SRP54: variants seen among roughly 807,000 people sequenced by gnomAD.
The protein encoded by SRP54 is signal recognition particle 54, also known as signal recognition particle subunit SRP54.
SRP54 carries 10 observed loss-of-function variants against 64.8 expected under a neutral mutation model. That is an observed-to-expected ratio of 0.15 (90% confidence interval 0.10 to 0.26). SRP54 has a LOEUF of 0.26. Ranked by LOEUF, SRP54 falls within the 10% of genes least tolerant of loss-of-function variation. SRP54 has a pLI of 1.00. For synonymous variants in SRP54, 193 were observed against 185.6 expected, an observed-to-expected ratio of 1.04 and a Z score of -0.32; for missense variants, 325 against 613.7, an observed-to-expected ratio of 0.53 and a Z score of 4.97.
intron 4 of SRP54, among the ~76,000 whole-genome samples, chr14:35,001,881 GA>G (rs1008669418): frequency 1.3e-5 from 2 of 150,170 alleles, no homozygotes; most frequent in African/African-American, 2.4e-5. Flanking sequence ...CTCAGTTGTA[GA>G]AAAAAAAAGA....
At chr14:35,002,641 T>G (rs1299576877) in intron 4 of SRP54, among the ~76,000 whole-genome samples, 1 of 150,938 alleles carries the variant, frequency 6.6e-6, no homozygotes, top group Non-Finnish European at 1.5e-5. Context: ...TTCACCATGT[T>G]GGCCAGGATG....
chr14:35,003,930 C>T (rs2044218107), intron 4 of SRP54, among the ~76,000 whole-genome samples: 1 of 81,338 alleles, frequency 1.2e-5, no homozygotes, highest in South Asian at 4.7e-4. Flanking sequence ...CGAGACCTGT[C>T]TCAAAATAAA....
At chr14:35,004,994 C>T (rs1231694885) in intron 4 of SRP54, among the ~76,000 whole-genome samples, 3 of 152,134 alleles carry the variant, frequency 2.0e-5, no homozygotes, top group Non-Finnish European at 2.9e-5. Context: ...TTGTGGACCA[C>T]GTGATTTCTA....
In SRP54 at chr14:35,014,874, T is replaced by C. The variant is rs773974924; in HGVS notation, c.973+44T>C. On this transcript the variant is annotated intron_variant, in intron 11 of 15. Coordinates refer to ENST00000216774, the MANE Select transcript of SRP54 (RefSeq NM_003136.4). ...AGCACTTCATCTCAGATTTCTTCCA[T>C]TGATTTTTTTTATAAAGTTACTATT... The C allele has an allele frequency of 9.7e-6, 14 of 1,437,738 alleles. No individual in the cohort carries two copies. In the South Asian group the frequency reaches 1.2e-4, roughly 12 times the overall value. 89.1% of individuals were successfully genotyped at this position (1,437,738 alleles called of 1,614,324 possible). A position where few individuals can be genotyped will look rare whatever the true frequency, so the allele number is the denominator to read the frequency against.
At position 35,029,038 on chromosome 14, in the gene SRP54, C is replaced by G. The variant is rs543841249; in HGVS notation, c.1424-23C>G. ...GCTTAATAATTCTCTGTTTTTAACT[C>G]TACTTCCCTACTTTTGCTCTAGGTG... On this transcript the variant is annotated intron_variant, in intron 15 of 15. Transcript: ENST00000216774. The G allele has an allele frequency of 3.1e-6, 5 of 1,588,710 alleles. No homozygotes were observed. The Admixed American group carries it at 5.1e-5, about 16-fold the overall frequency.
At chr14:34,983,523 T>C (rs940761859) in intron 1 of SRP54, among the ~76,000 whole-genome samples, 4 of 152,238 alleles carry the variant, frequency 2.6e-5, no homozygotes, top group Non-Finnish European at 5.9e-5. Context: ...CCGAAAATCC[T>C]TTTACTTGTA....
intron 5 of SRP54, among the ~76,000 whole-genome samples, chr14:35,007,652 T>G (rs2044283873): frequency 9.7e-6 from 1 of 102,748 alleles, no homozygotes; most frequent in African/African-American, 3.2e-5. Flanking sequence ...TAATAAAATA[T>G]ATTTACATAA....
intron 13 of SRP54, among the ~76,000 whole-genome samples, chr14:35,019,905 C>T (rs969594150): frequency 4.6e-5 from 7 of 152,162 alleles, no homozygotes; most frequent in African/African-American, 7.2e-5. Flanking sequence ...GTTGGCCGGG[C>T]GCAGTGGCTC....
At chr14:34,984,844 T>C (rs1382378066) in intron 1 of SRP54, among the ~76,000 whole-genome samples, 1 of 151,964 alleles carries the variant, frequency 6.6e-6, no homozygotes, top group Non-Finnish European at 1.5e-5. Flanking sequence ...TTGATAGTTC[T>C]GTACTTTCCC....
At chr14:34,991,908 A>G (rs924650151) in intron 1 of SRP54, among the ~76,000 whole-genome samples, 1 of 152,138 alleles carries the variant, frequency 6.6e-6, no homozygotes, top group Non-Finnish European at 1.5e-5. Context: ...TTACTCCTCT[A>G]CTGAAATGCA....
At chr14:35,004,379 G>A (rs1371298440) in intron 4 of SRP54, among the ~76,000 whole-genome samples, 1 of 152,196 alleles carries the variant, frequency 6.6e-6, no homozygotes, top group Non-Finnish European at 1.5e-5. Flanking sequence ...TATGTATAGT[G>A]AAATATGTCA....
chr14:35,009,354 G>T (rs2747010), intron 7 of SRP54, among the ~76,000 whole-genome samples: 1 of 140,996 alleles, frequency 7.1e-6, no homozygotes, highest in African/African-American at 2.6e-5. Flanking sequence ...CCACACACAT[G>T]TTCTTATTAA....
chr14:34,999,411 A>C (rs2138981151), intron 2 of SRP54, 147 bp from the exon 3 acceptor site: 1 of 521,618 alleles, frequency 1.9e-6, no homozygotes. Flanking sequence ...CTAAACATTT[A>C]ATAAAATTAT....
chr14:34,998,305 C>G (rs904503969), intron 2 of SRP54, among the ~76,000 whole-genome samples: 1 of 152,184 alleles, frequency 6.6e-6, no homozygotes. Flanking sequence ...ACTTTATATA[C>G]ATGAGTGGCT....
intron 14 of SRP54, among the ~76,000 whole-genome samples, chr14:35,025,611 A>G (rs1415245492): frequency 1.3e-5 from 2 of 152,236 alleles, no homozygotes; most frequent in Admixed American, 1.3e-4. Context: ...ACACACAGCT[A>G]TGTCACACCA....
intron 4 of SRP54, among the ~76,000 whole-genome samples, chr14:35,002,737 CT>C (rs71121258): frequency 0.41 from 38,598 of 94,956 alleles, 7,963 homozygotes; most frequent in Non-Finnish European, 0.46. Flanking sequence ...GCCTGGCCTC[CT>C]TTTTTTTTTT....
At chr14:34,987,241 A>AT (rs1453751017) in intron 1 of SRP54, among the ~76,000 whole-genome samples, 18 of 70,674 alleles carry the variant, frequency 2.5e-4, no homozygotes, top group African/African-American at 5.6e-4. Flanking sequence ...AAAAAAAAAA[A>AT]AAAAAATATA....
intron 11 of SRP54, among the ~76,000 whole-genome samples, chr14:35,017,539 T>A (rs770202414): frequency 6.6e-6 from 1 of 152,210 alleles, no homozygotes; most frequent in Non-Finnish European, 1.5e-5. Context: ...TTGACTGCTA[T>A]AACATTTCTT....
rs2043833971 is a variant in SRP54, at chr14:34,983,227, C to G, written c.-34+12C>G. On this transcript the variant is annotated intron_variant, in intron 1 of 15. Coordinates refer to ENST00000216774, the MANE Select transcript of SRP54 (RefSeq NM_003136.4). ...CGGTGTCTTTTGCGGTAAGTGTCTG[C>G]TTTTTCCCGCCCCAGACTACGGAGG... 6.6e-6 allele frequency: 1 copy of G among 152,330 alleles called. No individual in the cohort carries two copies. The highest frequency in any genetic ancestry group is 1.9e-4 in the East Asian group (1 of 5,208). 9.4% of individuals were successfully genotyped at this position (152,330 alleles called of 1,614,324 possible). A position where few individuals can be genotyped will look rare whatever the true frequency, so the allele number is the denominator to read the frequency against.
Sources: allele counts gnomAD v4.1 joint callset (sites outside exome capture counted in the v4.1 genomes callset), GRCh38; gene constraint gnomAD v4.1.1; transcripts MANE v1.5; gene names NCBI Gene and HGNC (gene_info 2026-07-23, HGNC 2026-07-21).